EPM2A: variants seen among roughly 807,000 people sequenced by gnomAD.
The protein encoded by EPM2A is laforin.
A neutral mutation model predicts 26.5 loss-of-function variants in EPM2A; 21 were observed. The ratio of observed to expected loss-of-function variants is 0.79; its 90% CI spans 0.56 to 1.14. The LOEUF (loss-of-function observed/expected upper bound fraction) is 1.14. EPM2A is among the 50% of genes most tolerant of loss of function. The pLI, the probability that EPM2A is intolerant of heterozygous loss-of-function variation, is 0.00. For missense variants in EPM2A, 458 were observed against 440.8 expected, an observed-to-expected ratio of 1.04 and a Z score of -0.35; for synonymous variants, 217 against 177.6, an observed-to-expected ratio of 1.22 and a Z score of -1.76.
At chr6:145,472,626 C>A (rs1779489918) in intron 4 of EPM2A, among the ~76,000 whole-genome samples, 1 of 152,046 alleles carries the variant, frequency 6.6e-6, no homozygotes, top group African/African-American at 2.4e-5. Flanking sequence ...GGAAGTCTGG[C>A]AGTACTCCTC....
At chr6:145,412,877 C>T (rs57226948) in intron 4 of EPM2A, among the ~76,000 whole-genome samples, 1 of 152,080 alleles carries the variant, frequency 6.6e-6, no homozygotes, top group Admixed American at 6.6e-5. Context: ...GTGGCTAAGG[C>T]AACAGAATGA....
rs1554264386 is a variant in EPM2A at position 145,696,805 on chromosome 6, G to GTT, written c.302-10510_302-10509insAA. The stretch of plus-strand genomic sequence containing the variant: ...TGTGTGTGTGTGTGTGTGTGTGTGT[G>GTT]TGTGTGTGTGTGTGTGTGTGTGGTG... On this transcript the variant is annotated intron_variant, in intron 1 of 3. Coordinates refer to ENST00000367519, the MANE Select transcript of EPM2A (RefSeq NM_005670.4). Among the ~76,000 whole-genome samples, 133 of 151,134 alleles carry GTT rather than the reference G, an allele frequency of 8.8e-4. 1 individual carries two copies. Among genetic ancestry groups the GTT allele is most frequent in the African/African-American group, 3.0e-3 (122 of 41,144 alleles).
intron 1 of EPM2A, chr6:145,722,738 G>C: frequency 2.2e-6 from 1 of 453,432 alleles, no homozygotes; most frequent in Non-Finnish European, 4.4e-6. Flanking sequence ...TGGTAATAAA[G>C]TTAAAATGAG....
Position 145,735,329 on chromosome 6 carries a change from G to C in EPM2A, c.170C>G (p.Pro57Arg). The change falls in exon 1 of 4, where the codon CCG (proline) becomes CGG (arginine). Residue 57 changes from proline to arginine, a missense_variant. By Grantham distance (103) the Pro-to-Arg change is moderately radical. Coordinates refer to ENST00000367519, the MANE Select transcript of EPM2A (RefSeq NM_005670.4). ...AGDGALALQE[P>R]GLWLGEVELA... ...CTCCACCTCCCCGAGCCACAGGCCC[G>C]GCTCCTGCAGGGCCAGGGCCCCGTC... is the stretch of plus-strand genomic sequence containing the variant. 7.0e-7 allele frequency: 1 copy of C among 1,432,264 alleles called. No homozygotes were observed. 88.7% of individuals were successfully genotyped at this position (1,432,264 alleles called of 1,614,324 possible). A position where few individuals can be genotyped will look rare whatever the true frequency, so the allele number is the denominator to read the frequency against.
chr6:145,658,529 G>T (rs1230682050), intron 2 of EPM2A, among the ~76,000 whole-genome samples: 1 of 152,060 alleles, frequency 6.6e-6, no homozygotes, highest in Non-Finnish European at 1.5e-5. Context: ...ACAACCAAAA[G>T]ATCTTACTTC....
intron 2 of EPM2A, among the ~76,000 whole-genome samples, chr6:145,676,938 C>T (rs1780091186): frequency 6.6e-6 from 1 of 152,152 alleles, no homozygotes; most frequent in Admixed American, 6.6e-5. Flanking sequence ...ATGAGGCTAG[C>T]ATCATCCTGA....
intron 2 of EPM2A, among the ~76,000 whole-genome samples, chr6:145,679,456 A>G (rs1443976269): frequency 6.6e-6 from 1 of 152,056 alleles, no homozygotes; most frequent in African/African-American, 2.4e-5. Flanking sequence ...AAAGAAAAAA[A>G]AGAAATGCAA....
chr6:145,595,847 G>T (rs1325961149), intron 2 of EPM2A, among the ~76,000 whole-genome samples: 2 of 151,560 alleles, frequency 1.3e-5, no homozygotes, highest in Non-Finnish European at 2.9e-5. Context: ...TAATGTCTTG[G>T]CTAGCATTTT....
intron 4 of EPM2A, among the ~76,000 whole-genome samples, chr6:145,439,971 C>A (rs1779041166): frequency 6.6e-6 from 1 of 152,168 alleles, no homozygotes; most frequent in Non-Finnish European, 1.5e-5. Flanking sequence ...GGTCTTTAAT[C>A]CACATTGAGT....
Position 145,626,114 on chromosome 6 carries a change from C to CT in EPM2A, c.*1301dup, listed in dbSNP as rs746793849. ...TTATATATCACCTTGCACATAGAGG[C>CT]TCTCAATTAAAAAAACACTTCTCTT... On this transcript the variant is annotated 3_prime_UTR_variant, in exon 4 of 4. Transcript: ENST00000367519. 1.2e-3 allele frequency: 1,225 copies of CT among 1,032,886 alleles called. No homozygotes were observed. The highest frequency in any genetic ancestry group is 1.4e-3 in the Non-Finnish European group (1,175 of 859,572). The allele number at this position is 1,032,886 out of a possible 1,614,324, so 64.0% of individuals were successfully genotyped here. A position where few individuals can be genotyped will look rare whatever the true frequency, so the allele number is the denominator to read the frequency against.
chr6:145,662,542 G>T (rs1778797889), intron 2 of EPM2A, among the ~76,000 whole-genome samples: 1 of 152,146 alleles, frequency 6.6e-6, no homozygotes, highest in Non-Finnish European at 1.5e-5. Context: ...AAAACAATGG[G>T]ATTTTGTGGT....
intron 2 of EPM2A, among the ~76,000 whole-genome samples, chr6:145,518,031 T>G (rs17724623): frequency 0.058 from 8,801 of 152,228 alleles, 385 homozygotes; most frequent in East Asian, 0.17. Flanking sequence ...TATCACCATG[T>G]AGCCATAAAG....
At chr6:145,490,392 G>A in intron 4 of EPM2A, 2 of 913,084 alleles carry the variant, frequency 2.2e-6, no homozygotes, top group Non-Finnish European at 3.6e-6. Flanking sequence ...ATGCAGTGAG[G>A]TGACATTTGA....
chr6:145,441,935 C>A (rs555296925), intron 4 of EPM2A, among the ~76,000 whole-genome samples: 8 of 152,248 alleles, frequency 5.3e-5, no homozygotes, highest in African/African-American at 1.9e-4. Flanking sequence ...CCCTCGAATG[C>A]TTTGCTGCTT....
At chr6:145,506,579 T>C (rs974951803) in intron 2 of EPM2A, among the ~76,000 whole-genome samples, 2 of 151,920 alleles carry the variant, frequency 1.3e-5, no homozygotes, top group Non-Finnish European at 2.9e-5. Flanking sequence ...ATTTTAAAAG[T>C]ACTTATGTTG....
At chr6:145,583,913 G>A (rs1199381180) in intron 2 of EPM2A, among the ~76,000 whole-genome samples, 5 of 152,234 alleles carry the variant, frequency 3.3e-5, no homozygotes, top group Non-Finnish European at 7.3e-5. Context: ...TGGTGGCAGT[G>A]CTGGTGCAGA....
chr6:145,713,140 G>C (rs1353956888), intron 1 of EPM2A, among the ~76,000 whole-genome samples: 2 of 152,096 alleles, frequency 1.3e-5, no homozygotes, highest in African/African-American at 4.8e-5. Context: ...ATCTTTTCCT[G>C]AATCTGAGAT....
At chr6:145,656,482 A>G (rs1225766419) in intron 2 of EPM2A, among the ~76,000 whole-genome samples, 2 of 152,256 alleles carry the variant, frequency 1.3e-5, no homozygotes, top group African/African-American at 4.8e-5. Flanking sequence ...TGGGAAAATT[A>G]ACATGCATCA....
chr6:145,493,481 C>G (rs1440374154), intron 4 of EPM2A, among the ~76,000 whole-genome samples: 1 of 152,210 alleles, frequency 6.6e-6, no homozygotes, highest in African/African-American at 2.4e-5. Context: ...CCCTTTATTT[C>G]TTTCTCTTGA....
Sources: gnomAD v4.1 joint callset for allele counts (sites outside exome capture counted in the v4.1 genomes callset) on GRCh38, gnomAD v4.1.1 for gene constraint, MANE v1.5 for transcripts, NCBI Gene and HGNC (gene_info 2026-07-23, HGNC 2026-07-21) for gene names.